Variants in PLEKHH2 observed in about 807,000 individuals in gnomAD.
PLEKHH2 encodes pleckstrin homology, MyTH4 and FERM domain containing H2.
A neutral mutation model predicts 187.9 loss-of-function variants in PLEKHH2; 129 were observed. That is an observed-to-expected ratio of 0.69 (90% CI 0.59 to 0.79). PLEKHH2 has a LOEUF of 0.79. Among genes scored for constraint, PLEKHH2 ranks in the 30% least tolerant of loss-of-function variants. The pLI is 0.00. For missense variants in PLEKHH2, 2,076 were observed against 1,751.2 expected, an observed-to-expected ratio of 1.19 and a Z score of -3.31; for synonymous variants, 686 against 605.6, an observed-to-expected ratio of 1.13 and a Z score of -1.95.
intron 2 of PLEKHH2, among the ~76,000 whole-genome samples, chr2:43,654,714 C>A (rs1325164554): frequency 1.4e-5 from 2 of 146,560 alleles, no homozygotes; most frequent in Admixed American, 6.8e-5. Context: ...ACCCCCCCCC[C>A]CCGCATCTCT....
chr2:43,757,786 A>G (rs957401150), intron 26 of PLEKHH2, among the ~76,000 whole-genome samples: 3 of 152,150 alleles, frequency 2.0e-5, no homozygotes, highest in African/African-American at 7.2e-5. Context: ...ATTAAAAAAA[A>G]AGGCTTTAGA....
At chr2:43,745,994 A>G (rs1424664353) in intron 24 of PLEKHH2, 31 bp downstream of exon 24, 27 of 1,434,022 alleles carry the variant, frequency 1.9e-5, no homozygotes, top group Non-Finnish European at 2.4e-5. Context: ...ATGCCAAAGT[A>G]TGAGTATACA....
In PLEKHH2 at chr2:43,699,935, T is replaced by G. The variant is rs1176321777; in HGVS notation, c.977T>G (p.Leu326Arg). The change falls in exon 8 of 30, where the codon CTG (leucine) becomes CGG (arginine). Residue 326 changes from leucine (L) to arginine (R), a missense_variant. Coordinates refer to ENST00000282406, the MANE Select transcript of PLEKHH2 (RefSeq NM_172069.4). ...AGCAGGATGGGAAGTGAAATGTATC[T>G]GACAGCATCTGATGACAGCAGCTCT... ...QCSRMGSEMY[L>R]TASDDSSSIF... The G allele has an allele frequency of 6.2e-7, 1 of 1,614,124 alleles. No individual in the cohort carries two copies. Among genetic ancestry groups the G allele is most frequent in the South Asian group, 1.1e-5 (1 of 91,078 alleles).
chr2:43,731,105 A>G (rs1321295032), intron 18 of PLEKHH2, among the ~76,000 whole-genome samples: 1 of 152,178 alleles, frequency 6.6e-6, no homozygotes, highest in Non-Finnish European at 1.5e-5. Context: ...CATAAGAATG[A>G]CACAATAGAC....
intron 2 of PLEKHH2, among the ~76,000 whole-genome samples, chr2:43,656,479 G>C (rs1291709439): frequency 1.3e-5 from 2 of 151,922 alleles, no homozygotes; most frequent in Non-Finnish European, 2.9e-5. Flanking sequence ...CCTAGAAGCT[G>C]CATGTCAAAA....
At chr2:43,705,251 CTTTT>C (rs5830767) in intron 9 of PLEKHH2, among the ~76,000 whole-genome samples, 12 of 95,860 alleles carry the variant, frequency 1.3e-4, no homozygotes, top group South Asian at 3.9e-4. Flanking sequence ...AAATTTTATC[CTTTT>C]TTTTTTTTTT....
chr2:43,694,350 A>T (rs12616572), intron 4 of PLEKHH2, 81 bp from the exon 5 acceptor site: 763,343 of 1,410,246 alleles, frequency 0.54, 212,145 homozygotes, highest in African/African-American at 0.79. Context: ...TTAAGTGGAT[A>T]TGCCTTGTAT....
chr2:43,755,088 G>C (rs886804085), intron 25 of PLEKHH2, among the ~76,000 whole-genome samples: 1 of 151,982 alleles, frequency 6.6e-6, no homozygotes, highest in Non-Finnish European at 1.5e-5. Context: ...GGCCAGGCTA[G>C]TCTCGAACTC....
intron 1 of PLEKHH2, among the ~76,000 whole-genome samples, chr2:43,642,548 G>A (rs1665991478): frequency 6.6e-6 from 1 of 152,136 alleles, no homozygotes; most frequent in South Asian, 2.1e-4. Flanking sequence ...TGATTTCAGG[G>A]AGAAAACTGT....
intron 3 of PLEKHH2, among the ~76,000 whole-genome samples, chr2:43,682,939 T>C (rs74472377): frequency 3.7e-3 from 558 of 149,848 alleles, no homozygotes; most frequent in African/African-American, 4.8e-3. Flanking sequence ...GTTCCATATA[T>C]ACACACACAC....
chr2:43,703,939 TTTGCTTTA>T, intron 8 of PLEKHH2, 34 bp from the exon 9 acceptor site: 1 of 475,868 alleles, frequency 2.1e-6, no homozygotes, highest in Non-Finnish European at 3.4e-6. Flanking sequence ...TTTTTTTTTT[TTTGCTTTA>T]AATACCCTGT....
intron 11 of PLEKHH2, among the ~76,000 whole-genome samples, chr2:43,709,446 T>A (rs1209666268): frequency 6.6e-6 from 1 of 152,216 alleles, no homozygotes; most frequent in East Asian, 1.9e-4. Flanking sequence ...TATACATGAG[T>A]AGACTCTTGC....
chr2:43,744,544 G>A (rs1671695663), intron 23 of PLEKHH2, among the ~76,000 whole-genome samples: 2 of 150,600 alleles, frequency 1.3e-5, no homozygotes, highest in African/African-American at 4.8e-5. Context: ...GTTAGGGAAG[G>A]CCTGAGCTGG....
intron 11 of PLEKHH2, among the ~76,000 whole-genome samples, chr2:43,708,122 C>T (rs1351660391): frequency 6.6e-6 from 1 of 152,166 alleles, no homozygotes; most frequent in Non-Finnish European, 1.5e-5. Context: ...CCTCTGGATA[C>T]TTCCAATCCC....
In PLEKHH2 at chr2:43,765,702, A is replaced by G; in HGVS notation, c.*104A>G. The G allele has an allele frequency of 9.4e-7, 1 of 1,061,186 alleles. No individual in the cohort carries two copies. The highest frequency in any genetic ancestry group is 1.3e-6 in the Non-Finnish European group (1 of 755,898). The allele number at this position is 1,061,186 out of a possible 1,614,324, so 65.7% of individuals were successfully genotyped here. A position where few individuals can be genotyped will look rare whatever the true frequency, so the allele number is the denominator to read the frequency against. ...GGCAGCACGGCAGCCACACACCGGT[A>G]TTCCAAACCTTAACAATGAAGGGGG... On this transcript the variant is annotated 3_prime_UTR_variant, in exon 30 of 30. Transcript: ENST00000282406.
intron 17 of PLEKHH2, 71 bp downstream of exon 17, chr2:43,726,522 C>T: frequency 7.1e-7 from 1 of 1,403,690 alleles, no homozygotes; most frequent in Non-Finnish European, 9.8e-7. Context: ...TAATAATTAT[C>T]AAATCAATTT....
intron 2 of PLEKHH2, among the ~76,000 whole-genome samples, chr2:43,660,483 T>A (rs1173489627): frequency 1.3e-5 from 2 of 150,890 alleles, no homozygotes; most frequent in African/African-American, 2.5e-5. Flanking sequence ...TTTTTTTTTT[T>A]TATACTTTAA....
intron 19 of PLEKHH2, among the ~76,000 whole-genome samples, chr2:43,736,449 C>T (rs61730669): frequency 0.018 from 2,706 of 152,268 alleles, 77 homozygotes; most frequent in African/African-American, 0.062. Flanking sequence ...TTCAAGACTG[C>T]TGTGCAGAGA....
chr2:43,704,662 T>TAAAAAAAAAAAAAAAAAA (rs70965318), intron 9 of PLEKHH2, among the ~76,000 whole-genome samples: 1 of 84,288 alleles, frequency 1.2e-5, no homozygotes, highest in East Asian at 2.9e-4. Context: ...GATTCTGTCT[T>TAAAAAAAAAAAAAAAAAA]AAAAAAAAAA....
Sources: gnomAD v4.1 joint callset for allele counts (sites outside exome capture counted in the v4.1 genomes callset) on GRCh38, gnomAD v4.1.1 for gene constraint, MANE v1.5 for transcripts, NCBI Gene and HGNC (gene_info 2026-07-23, HGNC 2026-07-21) for gene names.